The following CFAP20DC variants were observed in gnomAD, a reference collection of about 807,000 sequenced individuals.
CFAP20DC encodes the protein CFAP20 domain containing, also known as protein CFAP20DC.
A neutral mutation model predicts 101.7 loss-of-function variants in CFAP20DC; 84 were observed. The observed-to-expected ratio is 0.83, with a 90% CI of 0.69 to 0.99. The LOEUF (loss-of-function observed/expected upper bound fraction) is 0.99. Among genes scored for constraint, CFAP20DC ranks in the 50% least tolerant of loss-of-function variants. The pLI, the probability that CFAP20DC is intolerant of heterozygous loss-of-function variation, is 0.00. For synonymous variants in CFAP20DC, 359 were observed against 351.2 expected (o/e 1.02, Z -0.25); for missense variants, 1,007 against 970.3 (o/e 1.04, Z -0.50).
intron 6 of CFAP20DC, among the ~76,000 whole-genome samples, chr3:58,891,422 G>GGGGAGA (rs200945396): frequency 0.025 from 3,265 of 131,636 alleles, 26 homozygotes; most frequent in African/African-American, 0.042. Flanking sequence ...GGGAGACCGT[G>GGGGAGA]GGGAGAGGGA....
chr3:58,867,680 C>T (rs988440408), intron 10 of CFAP20DC, 137 bp downstream of exon 10: 7 of 1,075,494 alleles, frequency 6.5e-6, no homozygotes, highest in African/African-American at 6.4e-5. Flanking sequence ...AATTTGATTT[C>T]CATAATCCTT....
chr3:58,782,121 T>C (rs997775078), intron 15 of CFAP20DC, among the ~76,000 whole-genome samples: 9 of 152,146 alleles, frequency 5.9e-5, no homozygotes, highest in Admixed American at 2.6e-4. Context: ...GATCAACCTA[T>C]GCAAATCAGT....
At chr3:58,891,285 G>C (rs868464181) in intron 6 of CFAP20DC, among the ~76,000 whole-genome samples, 9 of 137,480 alleles carry the variant, frequency 6.5e-5, no homozygotes, top group African/African-American at 1.6e-4. Flanking sequence ...GTGGCGGCGC[G>C]TGCCTGCAAT....
Position 58,867,848 on chromosome 3 carries a change from A to C in CFAP20DC, c.1104T>G (p.Ser368Arg). The C allele has an allele frequency of 3.1e-6, 5 of 1,613,652 alleles. No homozygotes were observed. The highest frequency in any genetic ancestry group is 4.2e-6 in the Non-Finnish European group (5 of 1,179,632). ...NNNRRRLRLK[S>R]TSRERTETPS... ...GTGTCTCTGTCCTTTCTCTGCTGGT[A>C]CTTTTTAACCGTAATCTTCTTCTGT... The change falls in exon 10 of 17, where the codon AGT (serine) becomes AGG (arginine). Residue 368 changes from serine (S) to arginine (R), a missense_variant. Ser to Arg is a moderately radical substitution (Grantham distance 110, BLOSUM62 -1). Transcript: ENST00000482387.
chr3:58,944,062 G>T (rs2089006394), intron 4 of CFAP20DC, among the ~76,000 whole-genome samples: 1 of 152,118 alleles, frequency 6.6e-6, no homozygotes, highest in Non-Finnish European at 1.5e-5. Flanking sequence ...CTCCAAGAAA[G>T]ATGGAACTAT....
At chr3:58,880,308 T>A (rs1220670440) in intron 7 of CFAP20DC, among the ~76,000 whole-genome samples, 1 of 152,170 alleles carries the variant, frequency 6.6e-6, no homozygotes, top group East Asian at 1.9e-4. Context: ...ATCAATGAGA[T>A]CATACTGAAA....
chr3:58,933,700 A>G lies in CFAP20DC; in HGVS notation c.393+3948T>C, dbSNP rs571325364. Among the ~76,000 whole-genome samples the G allele has an allele frequency of 2.6e-5, 4 of 151,916 alleles. No individual in the cohort carries two copies. In the South Asian group the frequency reaches 8.3e-4, roughly 32 times the overall value. ...GGGTACATAATGAAATGAAGGCAGAAATAAAGATGTTCTTTGAAACCAATG... is the reference window on the plus strand; with the variant it reads ...GGGTACATAATGAAATGAAGGCAGAGATAAAGATGTTCTTTGAAACCAATG... On this transcript the variant is annotated intron_variant, in intron 5 of 16. Transcript: ENST00000482387.
At chr3:58,766,655 C>T (rs2070341361) in intron 15 of CFAP20DC, among the ~76,000 whole-genome samples, 1 of 152,216 alleles carries the variant, frequency 6.6e-6, no homozygotes, top group Non-Finnish European at 1.5e-5. Context: ...GCCTTTGAGG[C>T]TTTCCATAGA....
chr3:58,848,022 TG>T lies in CFAP20DC; in HGVS notation c.1971+1009del, dbSNP rs573362860. 2.4e-3 allele frequency among the ~76,000 whole-genome samples: 212 copies of T among 87,962 alleles called. 2 individuals are homozygous for T. Among genetic ancestry groups the T allele is most frequent in the African/African-American group, 9.2e-3 (206 of 22,308 alleles). 57.7% of individuals were successfully genotyped at this position (87,962 alleles called of 152,430 possible). A position where few individuals can be genotyped will look rare whatever the true frequency, so the allele number is the denominator to read the frequency against. On this transcript the variant is annotated intron_variant, in intron 13 of 16. Coordinates refer to ENST00000482387, the MANE Select transcript of CFAP20DC (RefSeq NM_001394063.1). ...TCACACTCTGGGGACTGTTGTGGGGTGGGGGGAGGGGGGAGGGATAGCATCG... is the reference window on the plus strand; with the variant it reads ...TCACACTCTGGGGACTGTTGTGGGGTGGGGGAGGGGGGAGGGATAGCATCG...
In CFAP20DC at chr3:58,764,498, C is replaced by T. The variant is rs141786051; in HGVS notation, c.2238-10635G>A. Among the ~76,000 whole-genome samples, 50 of 152,294 alleles carry T rather than the reference C, an allele frequency of 3.3e-4. 1 individual carries two copies. Among genetic ancestry groups the T allele is most frequent in the African/African-American group, 1.2e-3 (50 of 41,554 alleles). On this transcript the variant is annotated intron_variant, in intron 15 of 16. Coordinates refer to ENST00000482387, the MANE Select transcript of CFAP20DC (RefSeq NM_001394063.1). The stretch of plus-strand genomic sequence containing the variant: ...CTTGCGCTTCCCAGGTGAGGCGATG[C>T]CTCGCCCTGCTTCAGCTCACGGTCG...
chr3:58,884,561 T>A lies in CFAP20DC; in HGVS notation c.699A>T (p.Leu233=). The A allele has an allele frequency of 6.2e-7, 1 of 1,613,996 alleles. No individual in the cohort carries two copies. Among genetic ancestry groups the A allele is most frequent in the Non-Finnish European group, 8.5e-7 (1 of 1,179,870 alleles). ...QTEIKFGGHP[L]RSAESDQFIN... is the part of the protein sequence containing the mutation. ...AGTGTCTACCTGATTCTGCTGATCT[T>A]AGAGGATGGCCTCCGAATTTTATTT... Residue 233 remains leucine, a synonymous_variant, in exon 7 of 17, where the codon CTA becomes CTT. Coordinates refer to ENST00000482387, the MANE Select transcript of CFAP20DC (RefSeq NM_001394063.1).
chr3:58,821,308 C>T (rs2075624237), intron 14 of CFAP20DC, among the ~76,000 whole-genome samples: 1 of 152,090 alleles, frequency 6.6e-6, no homozygotes, highest in Non-Finnish European at 1.5e-5. Flanking sequence ...TCTAGTTAAA[C>T]TAAAGAGCTT....
intron 13 of CFAP20DC, among the ~76,000 whole-genome samples, chr3:58,848,336 T>C (rs1249942510): frequency 6.6e-6 from 1 of 152,128 alleles, no homozygotes; most frequent in Admixed American, 6.6e-5. Flanking sequence ...AGCTTTACAA[T>C]GCAACACCCA....
rs923479217 is a variant in CFAP20DC at position 58,882,461 on chromosome 3, A to C, written c.715+2084T>G. Among the ~76,000 whole-genome samples the C allele has an allele frequency of 1.3e-5, 2 of 152,210 alleles. No homozygotes were observed. The highest frequency in any genetic ancestry group is 1.9e-4 in the East Asian group (1 of 5,206). ...TTAAAACATTAAGCTAGAGAATAAA[A>C]GCATTTACAATGGCAAACAATTATC... On this transcript the variant is annotated intron_variant, in intron 7 of 16. Transcript: ENST00000482387. This position sits in a 1 kb window ranked among gnomAD's most constrained non-coding sequence, Gnocchi z 4.2.
chr3:58,794,795 C>G (rs2073113063), intron 15 of CFAP20DC, among the ~76,000 whole-genome samples: 1 of 152,160 alleles, frequency 6.6e-6, no homozygotes, highest in Admixed American at 6.5e-5. Flanking sequence ...GGACCTGGTT[C>G]TGCTGGAAGG....
intron 15 of CFAP20DC, among the ~76,000 whole-genome samples, chr3:58,777,860 A>C (rs1209691645): frequency 6.6e-6 from 1 of 152,208 alleles, no homozygotes; most frequent in Non-Finnish European, 1.5e-5. Flanking sequence ...CATGCTGCAG[A>C]GAGACAGTTC....
Position 58,753,707 on chromosome 3 carries a change from TTCTC to T in CFAP20DC, c.2332+58_2332+61del, listed in dbSNP as rs59288928. 1.2e-3 allele frequency: 1,271 copies of T among 1,077,666 alleles called. 11 individuals are homozygous for T. In the African/African-American group the frequency reaches 0.016, roughly 14 times the overall value. The allele number at this position is 1,077,666 out of a possible 1,614,324, so 66.8% of individuals were successfully genotyped here. A position where few individuals can be genotyped will look rare whatever the true frequency, so the allele number is the denominator to read the frequency against. ...AACAGTGGCATCTCAAAGTGATGGA[TTCTC>T]TCTATTTATAGTAAATTATTTTTAT... is the stretch of plus-strand genomic sequence containing the variant. On this transcript the variant is annotated intron_variant, in intron 16 of 16. Transcript: ENST00000482387.
Position 58,869,358 on chromosome 3 carries a change from G to A in CFAP20DC, c.985C>T (p.His329Tyr), listed in dbSNP as rs1248580001. The A allele has an allele frequency of 1.2e-6, 2 of 1,613,178 alleles. No individual in the cohort carries two copies. The highest frequency in any genetic ancestry group is 8.5e-7 in the Non-Finnish European group (1 of 1,179,518). ...ATAGGTACAGTCTGCTTTATTTGGT[G>A]AATATTTTCTTTATTTCCTTGTTCC... The part of the protein sequence containing the change: ...SEEQGNKENI[H>Y]QIKQTVPIHA... Residue 329 changes from histidine (H) to tyrosine (Y), a missense_variant, in exon 9 of 17, where the codon CAC (histidine) becomes TAC (tyrosine). His to Tyr is a moderately conservative substitution (Grantham distance 83). Coordinates refer to ENST00000482387, the MANE Select transcript of CFAP20DC (RefSeq NM_001394063.1). This position sits in a 1 kb window ranked among gnomAD's most constrained non-coding sequence, Gnocchi z 4.3.
intron 14 of CFAP20DC, among the ~76,000 whole-genome samples, chr3:58,823,598 C>T (rs995287596): frequency 2.6e-5 from 4 of 152,100 alleles, no homozygotes; most frequent in African/African-American, 7.2e-5. Context: ...AACCCAGGAT[C>T]GTGCCTGCCA....
Sources: gnomAD v4.1 joint callset for allele counts (sites outside exome capture counted in the v4.1 genomes callset) on GRCh38, gnomAD v4.1.1 for gene constraint, Gnocchi (gnomAD v3.1) non-coding constraint, MANE v1.5 for transcripts, NCBI Gene and HGNC (gene_info 2026-07-23, HGNC 2026-07-21) for gene names.